Variants in UBE4B observed in about 807,000 individuals in gnomAD.
UBE4B encodes ubiquitin conjugation factor E4 B.
Under a neutral mutation model 148.1 loss-of-function variants are expected in UBE4B, and 27 were observed. The ratio of observed to expected loss-of-function variants is 0.18; its 90% CI spans 0.13 to 0.25. The LOEUF (loss-of-function observed/expected upper bound fraction) is 0.25. UBE4B is among the 10% of genes least tolerant of loss of function. UBE4B has a pLI of 1.00. For synonymous variants in UBE4B, 596 were observed against 619.3 expected, an observed-to-expected ratio of 0.96 and a Z score of 0.56; for missense variants, 1,170 against 1,662.4, an observed-to-expected ratio of 0.70 and a Z score of 5.15.
At chr1:10,166,968 CACAA>C (rs1415020055) in intron 23 of UBE4B, among the ~76,000 whole-genome samples, 40 of 133,456 alleles carry the variant, frequency 3.0e-4, no homozygotes, top group African/African-American at 8.5e-4. Context: ...CACACACACA[CACAA>C]AAAAAAAAAA....
At chr1:10,135,801 A>G (rs2101954362) in intron 16 of UBE4B, among the ~76,000 whole-genome samples, 1 of 152,068 alleles carries the variant, frequency 6.6e-6, no homozygotes, top group South Asian at 2.1e-4. Flanking sequence ...TATCTATAAA[A>G]AAGCCAAAAC....
At chr1:10,035,331 C>A (rs976472116) in intron 1 of UBE4B, among the ~76,000 whole-genome samples, 2 of 149,474 alleles carry the variant, frequency 1.3e-5, no homozygotes, top group Non-Finnish European at 3.0e-5. Context: ...TTCTCTACCT[C>A]CCCCGTTTTT....
At chr1:10,110,051 C>T (rs1196580251) in intron 7 of UBE4B, among the ~76,000 whole-genome samples, 1 of 152,192 alleles carries the variant, frequency 6.6e-6, no homozygotes, top group Non-Finnish European at 1.5e-5. Context: ...TATCCTTCCC[C>T]CTTTCTCATT....
chr1:10,089,232 C>T (rs1644810386), intron 2 of UBE4B, among the ~76,000 whole-genome samples: 1 of 152,114 alleles, frequency 6.6e-6, no homozygotes, highest in African/African-American at 2.4e-5. Flanking sequence ...GTTTCGATCT[C>T]TTGACCTCGT....
At chr1:10,057,626 T>A (rs1644199729) in intron 1 of UBE4B, among the ~76,000 whole-genome samples, 1 of 150,906 alleles carries the variant, frequency 6.6e-6, no homozygotes, top group African/African-American at 2.4e-5. Context: ...GGCTGGTTTC[T>A]AACTGCTGAG....
At chr1:10,104,712 G>GT (rs1204915124) in intron 5 of UBE4B, among the ~76,000 whole-genome samples, 2 of 152,140 alleles carry the variant, frequency 1.3e-5, no homozygotes, top group African/African-American at 4.8e-5. Context: ...TCTTACACAT[G>GT]TAAGTGGCAA....
rs758107884 is a variant in UBE4B at position 10,130,668 on chromosome 1, C to T, written c.1813-47C>T. The T allele has an allele frequency of 2.1e-5, 34 of 1,612,414 alleles. 1 individual carries two copies. The South Asian group carries it at 3.6e-4, about 17-fold the overall frequency. On this transcript the variant is annotated intron_variant, in intron 13 of 27. Coordinates refer to ENST00000343090, the MANE Select transcript of UBE4B (RefSeq NM_001105562.3). ...GCTGCCCTTTTATTCAGATTCTTTC[C>T]CAAATGTGCATTATATGTTGACTGC...
intron 1 of UBE4B, among the ~76,000 whole-genome samples, chr1:10,040,603 A>G (rs1204359538): frequency 2.8e-5 from 4 of 144,860 alleles, no homozygotes; most frequent in South Asian, 2.2e-4. Flanking sequence ...TAACATCTCC[A>G]TTTCTTTCTT....
At chr1:10,141,454 A>G (rs964012838) in intron 17 of UBE4B, among the ~76,000 whole-genome samples, 1 of 152,184 alleles carries the variant, frequency 6.6e-6, no homozygotes, top group African/African-American at 2.4e-5. Flanking sequence ...GTTCTCCCCT[A>G]GAGCCTCCAG....
At chr1:10,153,475 G>T (rs1055906785) in intron 21 of UBE4B, among the ~76,000 whole-genome samples, 1 of 69,710 alleles carries the variant, frequency 1.4e-5, no homozygotes, top group African/African-American at 5.8e-5. Context: ...GTGAAACAAA[G>T]CAAGACCCTG....
chr1:10,136,985 A>G, intron 16 of UBE4B, 82 bp from the exon 17 acceptor site: 2 of 1,413,246 alleles, frequency 1.4e-6, no homozygotes, highest in Non-Finnish European at 2.0e-6. Flanking sequence ...ATTCAAATGT[A>G]ATTTTCTCTT....
Position 10,129,265 on chromosome 1 carries a change from A to G in UBE4B, c.1639-127A>G, listed in dbSNP as rs1003594231. On this transcript the variant is annotated intron_variant, in intron 11 of 27. Transcript: ENST00000343090. ...AGTAGTGAAGCTGCTGCCATTTCAG[A>G]GGGAATGCATGTGTGCCATTTTAGA... is the stretch of plus-strand genomic sequence containing the variant. 5 of 639,196 alleles carry G rather than the reference A, an allele frequency of 7.8e-6. No homozygotes were observed. The Admixed American group carries it at 1.3e-4, about 16-fold the overall frequency. The allele number at this position is 639,196 out of a possible 1,614,324, so 39.6% of individuals were successfully genotyped here.
intron 27 of UBE4B, 97 bp from the exon 28 acceptor site, chr1:10,179,798 T>A (rs533359112): frequency 6.7e-7 from 1 of 1,491,840 alleles, no homozygotes; most frequent in East Asian, 2.3e-5. Context: ...AGGGAAAGAA[T>A]GGCCTTTTCT....
chr1:10,124,157 C>T (rs960058781), intron 10 of UBE4B, among the ~76,000 whole-genome samples: 2 of 151,980 alleles, frequency 1.3e-5, no homozygotes, highest in Non-Finnish European at 2.9e-5. Context: ...CCTGTTTATT[C>T]TATTAATTAA....
chr1:10,103,848 G>A (rs1024639781), intron 5 of UBE4B, among the ~76,000 whole-genome samples: 4 of 152,146 alleles, frequency 2.6e-5, no homozygotes, highest in Non-Finnish European at 5.9e-5. Context: ...GGACGGTCTC[G>A]ATCTCCTGAT....
chr1:10,088,249 T>G (rs1181939574), intron 2 of UBE4B, among the ~76,000 whole-genome samples: 1 of 152,232 alleles, frequency 6.6e-6, no homozygotes, highest in Non-Finnish European at 1.5e-5. Flanking sequence ...GAGAGGAATA[T>G]TCTGTCTTGT....
intron 10 of UBE4B, among the ~76,000 whole-genome samples, chr1:10,124,743 A>G (rs1292692615): frequency 6.6e-6 from 1 of 152,228 alleles, no homozygotes; most frequent in Middle Eastern, 3.2e-3. Context: ...AATAAATAGC[A>G]GCTAGAATTT....
chr1:10,136,622 G>C (rs891483614), intron 16 of UBE4B, among the ~76,000 whole-genome samples: 4 of 151,928 alleles, frequency 2.6e-5, no homozygotes, highest in Non-Finnish European at 4.4e-5. Flanking sequence ...AATTGCAAAA[G>C]TATCCTTAAA....
chr1:10,085,926 A>T (rs1644757768), intron 2 of UBE4B, among the ~76,000 whole-genome samples: 1 of 152,034 alleles, frequency 6.6e-6, no homozygotes, highest in Admixed American at 6.6e-5. Context: ...AGTAGCTGGG[A>T]TTACAGGCAC....
Sources: allele counts gnomAD v4.1 joint callset (sites outside exome capture counted in the v4.1 genomes callset), GRCh38; gene constraint gnomAD v4.1.1; transcripts MANE v1.5; gene names NCBI Gene and HGNC (gene_info 2026-07-23, HGNC 2026-07-21).